FOXN3: variants seen among roughly 807,000 people sequenced by gnomAD.
FOXN3 encodes forkhead box N3.
FOXN3 carries 7 observed loss-of-function variants against 38.4 expected under a neutral mutation model. The observed-to-expected ratio is 0.18, with a 90% CI of 0.10 to 0.34. The LOEUF (loss-of-function observed/expected upper bound fraction) is 0.34. Among genes scored for constraint, FOXN3 ranks in the 10% least tolerant of loss-of-function variants. FOXN3 has a pLI of 1.00. For synonymous variants in FOXN3, 230 were observed against 242.2 expected, an observed-to-expected ratio of 0.95 and a Z score of 0.47; for missense variants, 456 against 613.4, an observed-to-expected ratio of 0.74 and a Z score of 2.71.
chr14:89,555,573 T>A (rs1895100108), intron 1 of FOXN3, among the ~76,000 whole-genome samples: 1 of 152,198 alleles, frequency 6.6e-6, no homozygotes, highest in African/African-American at 2.4e-5. Context: ...CTTAGGTGAT[T>A]TTCTAGTACT....
intron 1 of FOXN3, among the ~76,000 whole-genome samples, chr14:89,439,535 T>C (rs959333790): frequency 6.6e-5 from 10 of 152,156 alleles, no homozygotes; most frequent in African/African-American, 1.9e-4. Context: ...CTATATGGTC[T>C]AAAAAGGGGA....
chr14:89,177,647 A>C (rs1420422225), intron 5 of FOXN3, among the ~76,000 whole-genome samples: 1 of 151,972 alleles, frequency 6.6e-6, no homozygotes, highest in Non-Finnish European at 1.5e-5. Flanking sequence ...TGGTGGAGAA[A>C]GATAGAACTG....
chr14:89,291,090 T>C (rs2139933910), intron 3 of FOXN3: 1 of 508,916 alleles, frequency 2.0e-6, no homozygotes, highest in South Asian at 1.4e-5. Flanking sequence ...TAAATCATGT[T>C]TGTAGCCCTT....
intron 1 of FOXN3, among the ~76,000 whole-genome samples, chr14:89,547,300 G>C (rs188554742): frequency 4.9e-4 from 74 of 150,556 alleles, no homozygotes; most frequent in Non-Finnish European, 9.0e-4. Context: ...TGTTGCCCAG[G>C]CTGGAGTGCA....
chr14:89,450,611 A>G (rs1892596427), intron 1 of FOXN3, among the ~76,000 whole-genome samples: 1 of 149,970 alleles, frequency 6.7e-6, no homozygotes, highest in African/African-American at 2.5e-5. Context: ...TTTTAGACAG[A>G]GTCTCGCCCT....
chr14:89,311,601 C>T (rs1388407990), intron 3 of FOXN3, among the ~76,000 whole-genome samples: 6 of 151,514 alleles, frequency 4.0e-5, no homozygotes, highest in South Asian at 2.1e-4. Flanking sequence ...CCAAGGTGGG[C>T]GGATCACAAG....
chr14:89,271,196 C>T (rs746524833), intron 4 of FOXN3, among the ~76,000 whole-genome samples: 8 of 152,202 alleles, frequency 5.3e-5, no homozygotes, highest in Non-Finnish European at 8.8e-5. Flanking sequence ...TTTAAGTCCA[C>T]GTCTGAAACT....
At chr14:89,362,909 G>T (rs1285492843) in intron 2 of FOXN3, among the ~76,000 whole-genome samples, 1 of 151,876 alleles carries the variant, frequency 6.6e-6, no homozygotes, top group African/African-American at 2.4e-5. Flanking sequence ...GCCTGATTTT[G>T]AAGCAGGTCC....
chr14:89,462,507 AATTT>A (rs142155790), intron 1 of FOXN3, among the ~76,000 whole-genome samples: 3,978 of 152,206 alleles, frequency 0.026, 65 homozygotes, highest in African/African-American at 0.05. Context: ...AAAGAAAAGG[AATTT>A]ATTTCTTACT....
At chr14:89,333,966 G>GTATATATA (rs71130055) in intron 3 of FOXN3, among the ~76,000 whole-genome samples, 51 of 131,528 alleles carry the variant, frequency 3.9e-4, no homozygotes, top group African/African-American at 1.4e-3. Flanking sequence ...AATGTGGTGT[G>GTATATATA]TATATATATA....
intron 2 of FOXN3, among the ~76,000 whole-genome samples, chr14:89,390,989 C>T (rs1890927812): frequency 6.6e-6 from 1 of 152,158 alleles, no homozygotes; most frequent in Admixed American, 6.5e-5. Context: ...ACTCCTTTCT[C>T]CAGTTGCTAA....
rs145906189 is a variant in FOXN3 at position 89,332,882 on chromosome 14, C to A, written c.680+17790G>T. On this transcript the variant is annotated intron_variant, in intron 3 of 5. Transcript: ENST00000557258. ...AAACAAAACAAAACAAAAAACTAAA[C>A]AAATCCCACAAATAACCCAGTTTAA... is the stretch of plus-strand genomic sequence containing the variant. 3.6e-4 allele frequency among the ~76,000 whole-genome samples: 55 copies of A among 152,244 alleles called. No individual in the cohort carries two copies. The East Asian group carries it at 8.3e-3, about 23-fold the overall frequency.
intron 1 of FOXN3, among the ~76,000 whole-genome samples, chr14:89,540,112 A>G (rs1894765605): frequency 6.6e-6 from 1 of 152,160 alleles, no homozygotes. Flanking sequence ...TTCTCACGCC[A>G]CTCCTTCAAA....
chr14:89,177,774 G>T (rs11627263), intron 5 of FOXN3, among the ~76,000 whole-genome samples: 1 of 151,782 alleles, frequency 6.6e-6, no homozygotes, highest in African/African-American at 2.4e-5. Flanking sequence ...TTGCAGAACT[G>T]TGTTCCCTTA....
intron 3 of FOXN3, among the ~76,000 whole-genome samples, chr14:89,282,411 A>G (rs1396017819): frequency 6.6e-6 from 1 of 152,198 alleles, no homozygotes; most frequent in Admixed American, 6.5e-5. Context: ...TCACAGGGTA[A>G]CAGCAGACCG....
At chr14:89,322,896 A>G (rs922084457) in intron 3 of FOXN3, among the ~76,000 whole-genome samples, 2 of 152,220 alleles carry the variant, frequency 1.3e-5, no homozygotes, top group African/African-American at 4.8e-5. Flanking sequence ...AGAGAGCAAA[A>G]GAAAGTCCCC....
intron 1 of FOXN3, among the ~76,000 whole-genome samples, chr14:89,602,461 A>G (rs1230776375): frequency 6.6e-6 from 1 of 152,044 alleles, no homozygotes; most frequent in African/African-American, 2.4e-5. Flanking sequence ...CACACTGTGC[A>G]TTCAAAACTG....
chr14:89,399,362 G>A (rs926748206), intron 2 of FOXN3, among the ~76,000 whole-genome samples: 1 of 152,194 alleles, frequency 6.6e-6, no homozygotes, highest in African/African-American at 2.4e-5. Context: ...GAGGAGGCTA[G>A]AACAGATCCT....
At chr14:89,490,580 C>G (rs928219593) in intron 1 of FOXN3, among the ~76,000 whole-genome samples, 5 of 152,250 alleles carry the variant, frequency 3.3e-5, no homozygotes, top group South Asian at 4.1e-4. Flanking sequence ...ATGAATTTAG[C>G]TCCCTGAGGT....
Sources: allele counts gnomAD v4.1 joint callset (sites outside exome capture counted in the v4.1 genomes callset), GRCh38; gene constraint gnomAD v4.1.1; transcripts MANE v1.5; gene names NCBI Gene and HGNC (gene_info 2026-07-23, HGNC 2026-07-21).